EPB41L1: variants seen among roughly 807,000 people sequenced by gnomAD.
EPB41L1 encodes the protein erythrocyte membrane protein band 4.1 like 1.
A neutral mutation model predicts 97.8 loss-of-function variants in EPB41L1; 29 were observed. The ratio of observed to expected loss-of-function variants is 0.30; its 90% CI spans 0.22 to 0.40. EPB41L1 has a LOEUF of 0.40. Among genes scored for constraint, EPB41L1 ranks in the 10% least tolerant of loss-of-function variants. The probability of loss-of-function intolerance (pLI) is 1.00; values close to 1 mark genes in which losing one functional copy is unlikely to be tolerated. For missense variants in EPB41L1, 812 were observed against 1,162.3 expected, an observed-to-expected ratio of 0.70 and a Z score of 4.38; for synonymous variants, 383 against 459.2, an observed-to-expected ratio of 0.83 and a Z score of 2.12.
chr20:36,200,166 C>T (rs1184454654), intron 14 of EPB41L1, among the ~76,000 whole-genome samples: 1 of 152,156 alleles, frequency 6.6e-6, no homozygotes, highest in African/African-American at 2.4e-5. Context: ...CCTTGGGTAA[C>T]TTCCCCTTTT....
At position 36,212,466 on chromosome 20, in the gene EPB41L1, C is replaced by A; in HGVS notation, c.2184+90C>A. ...TGCTGTGGCCAAACCCCTTGGCCAG[C>A]TCTTTTAATCTCAGCTTCCCTGGAA... On this transcript the variant is annotated intron_variant, in intron 16 of 21. Coordinates refer to ENST00000338074, the MANE Select transcript of EPB41L1 (RefSeq NM_012156.2). The surrounding 1 kb of genome is among the most constrained non-coding windows in gnomAD (Gnocchi z 4.8). 2 of 1,032,438 alleles carry A rather than the reference C, an allele frequency of 1.9e-6. No homozygotes were observed. The highest frequency in any genetic ancestry group is 3.0e-6 in the Non-Finnish European group (2 of 668,562). 64.0% of individuals were successfully genotyped at this position (1,032,438 alleles called of 1,614,324 possible).
chr20:36,156,557 T>C (rs1303980500), intron 1 of EPB41L1, among the ~76,000 whole-genome samples: 1 of 152,196 alleles, frequency 6.6e-6, no homozygotes, highest in Non-Finnish European at 1.5e-5. Flanking sequence ...GTTCTGGGGC[T>C]CTTGCAGCTC....
intron 17 of EPB41L1, among the ~76,000 whole-genome samples, chr20:36,215,724 C>T (rs769415115): frequency 6.6e-6 from 1 of 152,180 alleles, no homozygotes; most frequent in Non-Finnish European, 1.5e-5. Flanking sequence ...TCCATCTATT[C>T]ATTCATTTGT....
chr20:36,131,605 A>G (rs1454867427), intron 2 of EPB41L1, among the ~76,000 whole-genome samples: 1 of 152,154 alleles, frequency 6.6e-6, no homozygotes, highest in East Asian at 1.9e-4. Flanking sequence ...AGTGAACATC[A>G]TGACAGGGAG....
chr20:36,091,918 A>G (rs1002198417), intron 1 of EPB41L1: 1 of 152,226 alleles, frequency 6.6e-6, no homozygotes, highest in African/African-American at 2.4e-5. Flanking sequence ...TACTCCAAGA[A>G]GGACCTAAAG....
At chr20:36,100,062 A>C (rs2057961755) in intron 1 of EPB41L1, among the ~76,000 whole-genome samples, 1 of 152,174 alleles carries the variant, frequency 6.6e-6, no homozygotes, top group African/African-American at 2.4e-5. Context: ...TGGAGTCTAG[A>C]TGTAACCCAA....
At chr20:36,183,309 C>T (rs980149153) in intron 6 of EPB41L1, among the ~76,000 whole-genome samples, 8 of 152,226 alleles carry the variant, frequency 5.3e-5, no homozygotes, top group Non-Finnish European at 5.9e-5. Flanking sequence ...ATGTTGATTG[C>T]GTGTTTGCCA....
intron 2 of EPB41L1, among the ~76,000 whole-genome samples, chr20:36,175,201 C>G (rs897340108): frequency 4.6e-5 from 7 of 152,152 alleles, no homozygotes; most frequent in African/African-American, 1.7e-4. Context: ...AAGAAGGAGA[C>G]CAGATGGATG....
At chr20:36,174,580 T>G (rs1465944415) in intron 2 of EPB41L1, among the ~76,000 whole-genome samples, 3 of 150,082 alleles carry the variant, frequency 2.0e-5, no homozygotes, top group Admixed American at 6.6e-5. Flanking sequence ...GCCTTTTTTT[T>G]TTTTTTTTAA....
At chr20:36,184,244 AAAAAAG>A (rs757536564) in intron 6 of EPB41L1, among the ~76,000 whole-genome samples, 28 of 152,184 alleles carry the variant, frequency 1.8e-4, no homozygotes, top group Non-Finnish European at 3.4e-4. Context: ...CAAAAAAAGA[AAAAAAG>A]AAAAAGAAAT....
chr20:36,136,836 G>A (rs1287194905), intron 2 of EPB41L1, among the ~76,000 whole-genome samples: 1 of 151,018 alleles, frequency 6.6e-6, no homozygotes, highest in Non-Finnish European at 1.5e-5. Flanking sequence ...CTCCTGCCCT[G>A]GCCTCCCAAA....
intron 1 of EPB41L1, among the ~76,000 whole-genome samples, chr20:36,099,074 C>G (rs1209034410): frequency 6.6e-6 from 1 of 152,154 alleles, no homozygotes; most frequent in Non-Finnish European, 1.5e-5. Flanking sequence ...GAGGCTGAGA[C>G]AGGAGAATTG....
chr20:36,192,944 A>C (rs1463548754), intron 11 of EPB41L1, among the ~76,000 whole-genome samples: 1 of 152,244 alleles, frequency 6.6e-6, no homozygotes, highest in Non-Finnish European at 1.5e-5. Flanking sequence ...CTGGTATATG[A>C]AAATGAGACC....
At chr20:36,131,557 C>G (rs1330386718) in intron 2 of EPB41L1, among the ~76,000 whole-genome samples, 1 of 152,082 alleles carries the variant, frequency 6.6e-6, no homozygotes, top group Non-Finnish European at 1.5e-5. Flanking sequence ...AACCAGCCTC[C>G]CCTCTTAACC....
chr20:36,108,315 G>T (rs895232511), intron 1 of EPB41L1, among the ~76,000 whole-genome samples: 6 of 152,016 alleles, frequency 3.9e-5, no homozygotes, highest in Non-Finnish European at 7.4e-5. Flanking sequence ...TGTTGAGATA[G>T]ATATATTGGG....
intron 2 of EPB41L1, 71 bp downstream of exon 2, chr20:36,174,025 A>G (rs2061113428): frequency 1.3e-6 from 2 of 1,516,292 alleles, no homozygotes; most frequent in Non-Finnish European, 1.8e-6. Flanking sequence ...TTAGGGCTCC[A>G]GTATTTTTTC....
intron 1 of EPB41L1, among the ~76,000 whole-genome samples, chr20:36,160,884 A>G (rs896748384): frequency 3.9e-5 from 6 of 152,240 alleles, no homozygotes; most frequent in Non-Finnish European, 8.8e-5. Context: ...TTTTTAATGG[A>G]TAAACCCTAC....
intron 2 of EPB41L1, among the ~76,000 whole-genome samples, chr20:36,128,686 G>A (rs908213691): frequency 3.9e-5 from 6 of 152,178 alleles, no homozygotes; most frequent in African/African-American, 1.2e-4. Context: ...GGGGTGATGG[G>A]GTTGCATCTG....
chr20:36,221,801 C>T, intron 19 of EPB41L1, 63 bp from the exon 20 acceptor site: 1 of 1,415,322 alleles, frequency 7.1e-7, no homozygotes, highest in Admixed American at 1.7e-5. Flanking sequence ...TGGGTAGGTC[C>T]CCTCTTGAGG....
Sources: allele counts gnomAD v4.1 joint callset (sites outside exome capture counted in the v4.1 genomes callset), GRCh38; gene constraint gnomAD v4.1.1; non-coding constraint Gnocchi (gnomAD v3.1); transcripts MANE v1.5; gene names NCBI Gene and HGNC (gene_info 2026-07-23, HGNC 2026-07-21).